The following TPPP variants were observed in gnomAD, a reference collection of about 807,000 sequenced individuals.
TPPP encodes tubulin polymerization-promoting protein.
Under a neutral mutation model 15.5 loss-of-function variants are expected in TPPP, and 6 were observed. The observed-to-expected ratio is 0.39, with a 90% CI of 0.21 to 0.77. The LOEUF (loss-of-function observed/expected upper bound fraction) is 0.77. TPPP is among the 30% of genes least tolerant of loss of function. The pLI, the probability that TPPP is intolerant of heterozygous loss-of-function variation, is 0.42. For missense variants in TPPP, 269 were observed against 307.2 expected (o/e 0.88, Z 0.93); for synonymous variants, 146 against 133.9 (o/e 1.09, Z -0.63).
At chr5:679,749 C>T (rs1740570597) in intron 1 of TPPP, among the ~76,000 whole-genome samples, 1 of 151,884 alleles carries the variant, frequency 6.6e-6, no homozygotes, top group Non-Finnish European at 1.5e-5. Context: ...GAACAGAGAC[C>T]CTTATTCACA....
At chr5:666,465 C>T (rs968604500) in intron 2 of TPPP, among the ~76,000 whole-genome samples, 1 of 152,342 alleles carries the variant, frequency 6.6e-6, no homozygotes, top group African/African-American at 2.4e-5. Context: ...GCGCCGGGAG[C>T]TGGGGGTCCT....
intron 2 of TPPP, among the ~76,000 whole-genome samples, chr5:669,784 T>C (rs1041289421): frequency 1.3e-5 from 2 of 151,636 alleles, no homozygotes; most frequent in Non-Finnish European, 2.9e-5. Flanking sequence ...GGCGGGGAGC[T>C]CTCCCCAGGA....
rs563610811 is a variant in TPPP at position 664,730 on chromosome 5, T to C, written c.*372A>G. 9.8e-5 allele frequency: 21 copies of C among 214,166 alleles called. No homozygotes were observed. In the East Asian group the frequency reaches 2.6e-3, roughly 26 times the overall value. The allele number at this position is 214,166 out of a possible 1,614,324, so 13.3% of individuals were successfully genotyped here. On this transcript the variant is annotated 3_prime_UTR_variant, in exon 4 of 4. Coordinates refer to ENST00000360578, the MANE Select transcript of TPPP (RefSeq NM_007030.3). ...TGCCACCCTCAGGGCTCCTGGAAGGTGTCTGCCGCTCAGGAGGTCAGCACA... is the reference window on the plus strand; with the variant it reads ...TGCCACCCTCAGGGCTCCTGGAAGGCGTCTGCCGCTCAGGAGGTCAGCACA...
chr5:666,065 C>A lies in TPPP; in HGVS notation c.370G>T (p.Ala124Ser). 6.2e-7 allele frequency: 1 copy of A among 1,612,362 alleles called. No individual in the cohort carries two copies. The highest frequency in any genetic ancestry group is 1.1e-5 in the South Asian group (1 of 91,062). The change falls in exon 3 of 4, where the codon GCC becomes TCC. Residue 124 changes from alanine (A) to serine (S), a missense_variant. Coordinates refer to ENST00000360578, the MANE Select transcript of TPPP (RefSeq NM_007030.3). ...EQFQEALEEL[A>S]KKRFKDKSSE... ...CTCTTGTCTTTGAATCGCTTCTTGG[C>A]GAGCTCCTCCAGCGCCTCCTGGAAC... is the stretch of plus-strand genomic sequence containing the variant.
At chr5:673,004 A>G (rs545545027) in intron 2 of TPPP, among the ~76,000 whole-genome samples, 1 of 152,344 alleles carries the variant, frequency 6.6e-6, no homozygotes, top group African/African-American at 2.4e-5. Flanking sequence ...CCCTGAAAAC[A>G]GAAATCGGTA....
At chr5:684,736 C>T (rs1293266938) in intron 1 of TPPP, among the ~76,000 whole-genome samples, 2 of 130,662 alleles carry the variant, frequency 1.5e-5, no homozygotes, top group African/African-American at 5.3e-5. Flanking sequence ...CCCATTTGAG[C>T]GCAGACGGTT....
chr5:698,984 A>G, the TPPP span, among the ~76,000 whole-genome samples: 3 of 152,148 alleles, frequency 2.0e-5, no homozygotes, highest in East Asian at 5.8e-4. Flanking sequence ...TTATAAGGAG[A>G]ACTACAACAC....
chr5:671,191 C>T (rs1740210226), intron 2 of TPPP, among the ~76,000 whole-genome samples: 1 of 152,046 alleles, frequency 6.6e-6, no homozygotes, highest in Non-Finnish European at 1.5e-5. Context: ...GGGCGCACAC[C>T]CTGCGCTTGC....
chr5:676,203 G>A (rs932195548), intron 2 of TPPP: 3 of 152,258 alleles, frequency 2.0e-5, no homozygotes, highest in Non-Finnish European at 2.9e-5. Context: ...AAATGCCCTC[G>A]GATGCACTCA....
intron 1 of TPPP, among the ~76,000 whole-genome samples, chr5:692,269 CCCCCTATCAAAACAGCAGCCCCCAAA>C (rs1740904394): frequency 8.1e-6 from 1 of 123,674 alleles, no homozygotes; most frequent in African/African-American, 3.0e-5. Context: ...AGCCTCCCAA[CCCCCTATCAAAACAGCAGCCCCCAAA>C]CCCCTATCAA....
chr5:664,961 C>T lies in TPPP; in HGVS notation c.*141G>A. ...GGTAGGAGGAGGGGCAGGAGGGAGG[C>T]CTGGGCCTGGCCGCCCCCCAGCCCC... On this transcript the variant is annotated 3_prime_UTR_variant, in exon 4 of 4. Transcript: ENST00000360578. 1 of 951,966 alleles carries T rather than the reference C, an allele frequency of 1.1e-6. No homozygotes were observed. The highest frequency in any genetic ancestry group is 1.6e-5 in the South Asian group (1 of 61,174). 59.0% of individuals were successfully genotyped at this position (951,966 alleles called of 1,614,324 possible).
At chr5:681,677 C>T (rs1369274848) in intron 1 of TPPP, among the ~76,000 whole-genome samples, 1 of 151,838 alleles carries the variant, frequency 6.6e-6, no homozygotes, top group African/African-American at 2.4e-5. Context: ...CCCACTCCCA[C>T]CCACCCCCAG....
At chr5:671,101 G>T (rs1391263437) in intron 2 of TPPP, among the ~76,000 whole-genome samples, 2 of 152,226 alleles carry the variant, frequency 1.3e-5, no homozygotes, top group Non-Finnish European at 2.9e-5. Flanking sequence ...TCGGGGGGCT[G>T]CCTGAGCTCC....
In TPPP at chr5:681,484, G is replaced by A. The variant is rs545224058; in HGVS notation, c.-4-3420C>T. 3.3e-5 allele frequency among the ~76,000 whole-genome samples: 5 copies of A among 152,256 alleles called. No homozygotes were observed. The South Asian group carries it at 1.0e-3, about 32-fold the overall frequency. ...CAGTTGTGCCTGTACTCCCAGGCCT[G>A]TGTCTTGCATCCAGATGTGCACCTG... On this transcript the variant is annotated intron_variant, in intron 1 of 3. Transcript: ENST00000360578.
chr5:677,694 A>T, intron 2 of TPPP, 56 bp downstream of exon 2: 1 of 1,471,644 alleles, frequency 6.8e-7, no homozygotes, highest in South Asian at 1.3e-5. Flanking sequence ...CCAGGGGCTC[A>T]GGGCCGCAGA....
chr5:669,137 C>G, intron 2 of TPPP, among the ~76,000 whole-genome samples: 1 of 152,324 alleles, frequency 6.6e-6, no homozygotes. Context: ...GCGGAGGCCT[C>G]GCTGTGTCCG....
chr5:693,438 CGT>C, upstream of TPPP: 1 of 147,560 alleles, frequency 6.8e-6, no homozygotes, highest in Non-Finnish European at 1.5e-5. Flanking sequence ...CGGCCCCCAG[CGT>C]CCGGCGCCCG....
At chr5:669,281 CCGGTG>C (rs1740096928) in intron 2 of TPPP, among the ~76,000 whole-genome samples, 3 of 74,638 alleles carry the variant, frequency 4.0e-5, no homozygotes, top group South Asian at 5.5e-4. Context: ...GCTGGTGAGC[CCGGTG>C]AGCCGGAGGT....
At chr5:700,516 T>C in the TPPP span, among the ~76,000 whole-genome samples, 3 of 151,966 alleles carry the variant, frequency 2.0e-5, no homozygotes, top group Non-Finnish European at 2.9e-5. Flanking sequence ...ATGGGTACAC[T>C]AAAAGCCCAG....
Sources: allele counts gnomAD v4.1 joint callset (sites outside exome capture counted in the v4.1 genomes callset), GRCh38; gene constraint gnomAD v4.1.1; transcripts MANE v1.5; gene names NCBI Gene and HGNC (gene_info 2026-07-23, HGNC 2026-07-21).